SYTL5: variants seen among roughly 807,000 people sequenced by gnomAD.
SYTL5 encodes the protein synaptotagmin like 5, also known as synaptotagmin-like protein 5.
A neutral mutation model predicts 55.9 loss-of-function variants in SYTL5; 34 were observed. The observed-to-expected ratio is 0.61, with a 90% CI of 0.46 to 0.81. SYTL5 has a LOEUF of 0.81. Among genes scored for constraint, SYTL5 ranks in the 30% least tolerant of loss-of-function variants. SYTL5 has a pLI of 0.00. For synonymous variants in SYTL5, 221 were observed against 188.7 expected, an observed-to-expected ratio of 1.17 and a Z score of -1.40; for missense variants, 637 against 546.7, an observed-to-expected ratio of 1.17 and a Z score of -1.65.
chrX:38,109,544 T>C (rs1182707947), intron 12 of SYTL5, among the ~76,000 whole-genome samples: 1 of 109,763 alleles, frequency 9.1e-6, no homozygotes, highest in Admixed American at 9.8e-5. Flanking sequence ...AGAGAGTAAA[T>C]TCAATGGCCA....
intron 6 of SYTL5, among the ~76,000 whole-genome samples, chrX:38,082,979 C>T (rs1936571462): frequency 8.9e-6 from 1 of 112,008 alleles, no homozygotes; most frequent in African/African-American, 3.2e-5. Context: ...ATATAACATC[C>T]TACTCAGAAC....
chrX:38,112,273 C>T (rs947897801), intron 13 of SYTL5, among the ~76,000 whole-genome samples: 2 of 111,600 alleles, frequency 1.8e-5, no homozygotes, highest in Non-Finnish European at 3.8e-5. Flanking sequence ...AATTTTTATA[C>T]CCGCTGCCAC....
intron 1 of SYTL5, among the ~76,000 whole-genome samples, chrX:38,029,567 T>C (rs1934889133): frequency 9.0e-6 from 1 of 111,475 alleles, no homozygotes; most frequent in African/African-American, 3.3e-5. Context: ...ACATCACATG[T>C]CCCCAGGTCT....
chrX:37,890,451 T>C, the SYTL5 span, among the ~76,000 whole-genome samples: 1 of 112,016 alleles, frequency 8.9e-6, no homozygotes, highest in Non-Finnish European at 1.9e-5. Context: ...TAATTTTGGA[T>C]TGGTCTGGCA....
the SYTL5 span, among the ~76,000 whole-genome samples, chrX:37,928,897 A>G: frequency 8.9e-6 from 1 of 112,062 alleles, no homozygotes; most frequent in African/African-American, 3.2e-5. Flanking sequence ...GTAAGCTAAC[A>G]TGGTAAATTA....
At chrX:37,973,798 C>T in the SYTL5 span, among the ~76,000 whole-genome samples, 1 of 110,169 alleles carries the variant, frequency 9.1e-6, no homozygotes, top group South Asian at 4.0e-4. Flanking sequence ...CCATGGCTGG[C>T]TATTTTTTTT....
Position 38,120,479 on chromosome X carries a change from T to A in SYTL5, c.1705+13T>A, listed in dbSNP as rs774468848. 25 of 1,127,986 alleles carry A rather than the reference T, an allele frequency of 2.2e-5. No individual in the cohort carries two copies. In the East Asian group the frequency reaches 5.7e-4, roughly 26 times the overall value. 93.0% of individuals were successfully genotyped at this position (1,127,986 alleles called of 1,213,427 possible). ...GAACAACTCCAAGGTAGAGTAAAAA[T>A]CAATGACTTTGATCAATGACATTCT... On this transcript the variant is annotated intron_variant, in intron 14 of 16. Coordinates refer to ENST00000297875, the MANE Select transcript of SYTL5 (RefSeq NM_138780.3).
the SYTL5 span, among the ~76,000 whole-genome samples, chrX:37,939,279 GA>G: frequency 1.9e-5 from 2 of 107,757 alleles, no homozygotes; most frequent in Middle Eastern, 4.7e-3. Context: ...GAAAAAAAAA[GA>G]AAAAAAAAGA....
the SYTL5 span, among the ~76,000 whole-genome samples, chrX:37,955,158 C>T: frequency 1.8e-5 from 2 of 109,894 alleles, no homozygotes; most frequent in Non-Finnish European, 3.8e-5. Flanking sequence ...ATAAAAAAAT[C>T]AGAGAGGATG....
chrX:37,974,664 G>T, the SYTL5 span, among the ~76,000 whole-genome samples: 5 of 112,570 alleles, frequency 4.4e-5, no homozygotes, highest in African/African-American at 1.6e-4. Context: ...ACATTTGGGA[G>T]TCCTGTTTGA....
chrX:38,096,216 C>A lies in SYTL5; in HGVS notation c.1044C>A (p.Val348=). ...CTGTAAGCATAAGAAGCAAGTCTGT[C>A]CCTGGGGCTTTAGACAAGGTAAGTT... ...EDTVSIRSKS[V]PGALDKDSLE... The change falls in exon 9 of 17, where the codon GTC becomes GTA. Residue 348 remains valine, a synonymous_variant. Coordinates refer to ENST00000297875, the MANE Select transcript of SYTL5 (RefSeq NM_138780.3). 1 of 1,169,359 alleles carries A rather than the reference C, an allele frequency of 8.6e-7. No homozygotes were observed. Among genetic ancestry groups the A allele is most frequent in the African/African-American group, 1.8e-5 (1 of 56,632 alleles).
chrX:37,949,898 T>C, the SYTL5 span, among the ~76,000 whole-genome samples: 2 of 112,037 alleles, frequency 1.8e-5, no homozygotes, highest in Non-Finnish European at 3.8e-5. Context: ...TCCTGTCATA[T>C]AGACAGTGGT....
At chrX:38,113,861 A>G (rs1937420044) in intron 13 of SYTL5, among the ~76,000 whole-genome samples, 1 of 111,237 alleles carries the variant, frequency 9.0e-6, no homozygotes, top group Non-Finnish European at 1.9e-5. Context: ...CCTGGGGGTG[A>G]GCAGAGCCTT....
chrX:37,977,773 C>G, the SYTL5 span, among the ~76,000 whole-genome samples: 1 of 108,662 alleles, frequency 9.2e-6, no homozygotes, highest in African/African-American at 3.4e-5. Flanking sequence ...ATTTCTTACT[C>G]ACATAATAAG....
intron 10 of SYTL5, among the ~76,000 whole-genome samples, chrX:38,103,379 T>C (rs1301726374): frequency 8.9e-6 from 1 of 111,826 alleles, no homozygotes; most frequent in East Asian, 2.8e-4. Flanking sequence ...CTTAGCTTGG[T>C]TAAGAGCATA....
chrX:38,040,187 AG>A (rs1322793476), intron 2 of SYTL5, among the ~76,000 whole-genome samples: 1 of 107,545 alleles, frequency 9.3e-6, no homozygotes, highest in Non-Finnish European at 1.9e-5. Context: ...AAAAAAAAAA[AG>A]TTTTAAATAT....
chrX:37,950,593 C>T, the SYTL5 span, among the ~76,000 whole-genome samples: 1 of 111,060 alleles, frequency 9.0e-6, no homozygotes, highest in African/African-American at 3.3e-5. Flanking sequence ...CAATGCTTTC[C>T]TATTTAAGAA....
At chrX:38,102,250 A>G (rs778567002) in intron 9 of SYTL5, 92 bp from the exon 10 acceptor site, 267 of 579,235 alleles carry the variant, frequency 4.6e-4, no homozygotes, top group Non-Finnish European at 7.1e-4. Flanking sequence ...TCTGATTCTC[A>G]AATATTTATG....
chrX:37,971,534 T>C, the SYTL5 span, among the ~76,000 whole-genome samples: 15 of 110,049 alleles, frequency 1.4e-4, no homozygotes, highest in African/African-American at 4.3e-4. Flanking sequence ...ACAACAACAA[T>C]AACAACAACA....
Sources: allele counts gnomAD v4.1 joint callset (sites outside exome capture counted in the v4.1 genomes callset), GRCh38; gene constraint gnomAD v4.1.1; transcripts MANE v1.5; gene names NCBI Gene and HGNC (gene_info 2026-07-23, HGNC 2026-07-21).